Variants in HOMER1 observed in about 807,000 individuals in gnomAD.
HOMER1 encodes homer protein homolog 1.
A neutral mutation model predicts 48.9 loss-of-function variants in HOMER1; 3 were observed. The observed-to-expected ratio is 0.06, with a 90% CI of 0.03 to 0.16. The LOEUF (loss-of-function observed/expected upper bound fraction) is 0.16, where lower values mean the gene tolerates loss of function less well. HOMER1 is among the 10% of genes least tolerant of loss of function. The pLI is 1.00. For synonymous variants in HOMER1, 134 were observed against 146.4 expected (o/e 0.92, Z 0.61); for missense variants, 247 against 411.4 (o/e 0.60, Z 3.46).
intron 1 of HOMER1, among the ~76,000 whole-genome samples, chr5:79,493,046 G>A (rs1490259338): frequency 6.7e-6 from 1 of 149,964 alleles, no homozygotes; most frequent in Non-Finnish European, 1.5e-5. Context: ...AGTCTCCCAA[G>A]TAGCTGGAAC....
intron 3 of HOMER1, among the ~76,000 whole-genome samples, chr5:79,447,505 A>C (rs987210605): frequency 7.2e-5 from 11 of 152,206 alleles, no homozygotes; most frequent in African/African-American, 2.4e-4. Context: ...TTTATCATTG[A>C]GAAAACTGAA....
intron 6 of HOMER1, among the ~76,000 whole-genome samples, chr5:79,398,346 C>T (rs1749446674): frequency 6.6e-6 from 1 of 151,886 alleles, no homozygotes; most frequent in Non-Finnish European, 1.5e-5. Context: ...CACACACACC[C>T]TATCACAGTT....
chr5:79,510,784 T>C lies in HOMER1; in HGVS notation c.5+1986A>G. 5.3e-6 allele frequency: 4 copies of C among 756,358 alleles called. No homozygotes were observed. In the Admixed American group the frequency reaches 6.9e-5, roughly 13 times the overall value. 46.9% of individuals were successfully genotyped at this position (756,358 alleles called of 1,614,324 possible). A position where few individuals can be genotyped will look rare whatever the true frequency, so the allele number is the denominator to read the frequency against. On this transcript the variant is annotated intron_variant, in intron 1 of 8. Transcript: ENST00000334082. ...CCGCATTGCCAAGGGGCTCAGGGTG[T>C]GCTGGCCAAAGGCCAAGGACAAGGA...
At chr5:79,498,835 C>CTTTT (rs368140541) in intron 1 of HOMER1, among the ~76,000 whole-genome samples, 3 of 133,934 alleles carry the variant, frequency 2.2e-5, no homozygotes, top group African/African-American at 5.6e-5. Flanking sequence ...CAGGTCTCCA[C>CTTTT]TTTTTTTTTT....
At chr5:79,506,956 G>A (rs940763567) in intron 1 of HOMER1, among the ~76,000 whole-genome samples, 14 of 152,028 alleles carry the variant, frequency 9.2e-5, no homozygotes, top group African/African-American at 3.1e-4. Context: ...GCTCATGCCT[G>A]TAATCCCAGC....
chr5:79,492,513 A>T (rs1432571166), intron 1 of HOMER1, among the ~76,000 whole-genome samples: 2 of 151,638 alleles, frequency 1.3e-5, no homozygotes. Flanking sequence ...AAAAAAACCC[A>T]CCGTATTAAA....
At chr5:79,499,114 A>G (rs150630240) in intron 1 of HOMER1, among the ~76,000 whole-genome samples, 5 of 152,194 alleles carry the variant, frequency 3.3e-5, no homozygotes, top group Middle Eastern at 6.8e-3. Context: ...GATTACAGGC[A>G]TAAGCCACCG....
intron 1 of HOMER1, among the ~76,000 whole-genome samples, chr5:79,461,817 C>T (rs374740182): frequency 2.0e-5 from 3 of 152,178 alleles, no homozygotes; most frequent in East Asian, 3.9e-4. Flanking sequence ...ATTTCTTAAA[C>T]GGGTACTTGT....
intron 5 of HOMER1, among the ~76,000 whole-genome samples, chr5:79,423,780 C>G (rs527593018): frequency 4.6e-5 from 7 of 152,054 alleles, no homozygotes; most frequent in African/African-American, 1.4e-4. Context: ...CCTGACCACC[C>G]CTTTTACTTA....
chr5:79,436,141 TAAATAAATAA>T (rs1309260403), intron 5 of HOMER1, among the ~76,000 whole-genome samples: 5 of 142,848 alleles, frequency 3.5e-5, no homozygotes, highest in East Asian at 2.5e-4. Flanking sequence ...TCAAAAAAAA[TAAATAAATAA>T]AAATAAATAA....
chr5:79,478,248 C>A (rs2112336911), intron 1 of HOMER1, among the ~76,000 whole-genome samples: 1 of 152,294 alleles, frequency 6.6e-6, no homozygotes, highest in East Asian at 1.9e-4. Context: ...TACTCCATTT[C>A]AGAAACTCTT....
intron 5 of HOMER1, among the ~76,000 whole-genome samples, chr5:79,415,688 C>T (rs545610375): frequency 6.6e-6 from 1 of 152,266 alleles, no homozygotes; most frequent in South Asian, 2.1e-4. Flanking sequence ...ATTGACTTTT[C>T]TGAGGAAAAT....
chr5:79,508,243 T>C (rs145637860), intron 1 of HOMER1, among the ~76,000 whole-genome samples: 6 of 152,364 alleles, frequency 3.9e-5, no homozygotes, highest in Middle Eastern at 6.8e-3. Context: ...CGTCATTAAA[T>C]AAATTGAGTG....
At chr5:79,418,475 A>T (rs903989512) in intron 5 of HOMER1, among the ~76,000 whole-genome samples, 6 of 143,506 alleles carry the variant, frequency 4.2e-5, no homozygotes, top group Admixed American at 1.4e-4. Context: ...ACACGACAGA[A>T]ATCCCTTTCA....
At chr5:79,488,231 G>A (rs932450277) in intron 1 of HOMER1, among the ~76,000 whole-genome samples, 20 of 152,328 alleles carry the variant, frequency 1.3e-4, no homozygotes, top group African/African-American at 4.8e-4. Context: ...AGTTAGAACA[G>A]GGGATTTATG....
Position 79,450,872 on chromosome 5 carries a change from G to A in HOMER1, c.294+118C>T, listed in dbSNP as rs1751009353. ...TTCTTGCTCTGAAGTCACTACTGCT[G>A]TTTCGAGAATATTAAATAAATTTCT... On this transcript the variant is annotated intron_variant, in intron 3 of 8. Coordinates refer to ENST00000334082, the MANE Select transcript of HOMER1 (RefSeq NM_004272.5). 5.9e-6 allele frequency: 6 copies of A among 1,009,806 alleles called. No homozygotes were observed. In the South Asian group the frequency reaches 7.8e-5, roughly 13 times the overall value. 62.6% of individuals were successfully genotyped at this position (1,009,806 alleles called of 1,614,324 possible).
At chr5:79,431,393 C>T (rs1015563267) in intron 5 of HOMER1, among the ~76,000 whole-genome samples, 4 of 152,026 alleles carry the variant, frequency 2.6e-5, no homozygotes, top group South Asian at 2.1e-4. Context: ...TCCATTTATA[C>T]GCAACGTTCA....
chr5:79,497,234 T>C (rs1000922756), intron 1 of HOMER1, among the ~76,000 whole-genome samples: 1 of 152,080 alleles, frequency 6.6e-6, no homozygotes, highest in Non-Finnish European at 1.5e-5. Flanking sequence ...AAACCATACA[T>C]TCAGAAATAT....
intron 5 of HOMER1, among the ~76,000 whole-genome samples, chr5:79,407,449 A>T (rs530309628): frequency 6.6e-6 from 1 of 152,368 alleles, no homozygotes; most frequent in South Asian, 2.1e-4. Context: ...AGTGGAAAGA[A>T]GGACATCACG....
Sources: gnomAD v4.1 joint callset for allele counts (sites outside exome capture counted in the v4.1 genomes callset) on GRCh38, gnomAD v4.1.1 for gene constraint, MANE v1.5 for transcripts, NCBI Gene and HGNC (gene_info 2026-07-23, HGNC 2026-07-21) for gene names.